The following DHX29 variants were observed in gnomAD, a reference collection of about 807,000 sequenced individuals.
The protein encoded by DHX29 is DExH-box helicase 29.
Under a neutral mutation model 167.9 loss-of-function variants are expected in DHX29, and 79 were observed. The ratio of observed to expected loss-of-function variants is 0.47; its 90% CI spans 0.39 to 0.57. The LOEUF (loss-of-function observed/expected upper bound fraction) is 0.57. Among genes scored for constraint, DHX29 ranks in the 20% least tolerant of loss-of-function variants. DHX29 has a pLI of 0.00. For missense variants in DHX29, 1,347 were observed against 1,593.4 expected (o/e 0.85, Z 2.63); for synonymous variants, 530 against 546.0 (o/e 0.97, Z 0.41).
intron 1 of DHX29, among the ~76,000 whole-genome samples, chr5:55,300,781 C>T (rs1222237674): frequency 6.6e-6 from 1 of 152,152 alleles, no homozygotes; most frequent in African/African-American, 2.4e-5. Context: ...AAAATAATAT[C>T]CGTTTTTGCA....
In DHX29 at chr5:55,256,552, GAAA is replaced by G; in HGVS notation, c.4058-15_4058-13del. The G allele has an allele frequency of 2.1e-6, 3 of 1,423,586 alleles. No homozygotes were observed. Among genetic ancestry groups the G allele is most frequent in the East Asian group, 2.6e-5 (1 of 38,146 alleles). 88.2% of individuals were successfully genotyped at this position (1,423,586 alleles called of 1,614,324 possible). A position where few individuals can be genotyped will look rare whatever the true frequency, so the allele number is the denominator to read the frequency against. ...CAGAATCTTGTCATCTGAGTGGAAG[GAAA>G]AAAAAAAGCCACGAATAAATGCAAC... On this transcript the variant is annotated splice_polypyrimidine_tract_variant and intron_variant, in intron 26 of 26. Coordinates refer to ENST00000251636, the MANE Select transcript of DHX29 (RefSeq NM_019030.4).
intron 12 of DHX29, among the ~76,000 whole-genome samples, chr5:55,280,845 T>C (rs1747364241): frequency 6.6e-6 from 1 of 152,108 alleles, no homozygotes; most frequent in Middle Eastern, 3.2e-3. Context: ...AACTTGAACA[T>C]TATGAAATGC....
chr5:55,259,168 G>C (rs544680708), intron 26 of DHX29, among the ~76,000 whole-genome samples: 1 of 152,156 alleles, frequency 6.6e-6, no homozygotes, highest in Admixed American at 6.5e-5. Context: ...TTAAATAATA[G>C]CTATGTTACC....
intron 1 of DHX29, among the ~76,000 whole-genome samples, chr5:55,306,443 C>G (rs1394830217): frequency 6.6e-6 from 1 of 152,146 alleles, no homozygotes; most frequent in African/African-American, 2.4e-5. Flanking sequence ...ACCTGCTCAT[C>G]CCGAGAAAAA....
intron 1 of DHX29, among the ~76,000 whole-genome samples, chr5:55,298,945 G>C: frequency 6.7e-6 from 1 of 150,014 alleles, no homozygotes; most frequent in Non-Finnish European, 1.5e-5. Flanking sequence ...CAGGAGAATG[G>C]CGTGAACCCG....
chr5:55,288,317 G>A (rs1158467203), intron 8 of DHX29, among the ~76,000 whole-genome samples: 4 of 151,696 alleles, frequency 2.6e-5, no homozygotes, highest in African/African-American at 9.7e-5. Flanking sequence ...AATATTATCT[G>A]ACAAATACTA....
At position 55,269,487 on chromosome 5, in the gene DHX29, C is replaced by A. The variant is rs973304919; in HGVS notation, c.3220G>T (p.Ala1074Ser). The A allele has an allele frequency of 1.9e-6, 3 of 1,613,918 alleles. No individual in the cohort carries two copies. In the African/African-American group the frequency reaches 4.0e-5, roughly 22 times the overall value. Residue 1074 changes from alanine (A) to serine (S), a missense_variant, in exon 21 of 27, where the codon GCA (alanine) becomes TCA (serine). Transcript: ENST00000251636. The stretch of plus-strand genomic sequence containing the variant: ...ATCTTGACATTCACAGGTAAAGCTG[C>A]AAGGTGTTGGCCCAACGGAGTCAGT... ...PKLTPLGQHLAALPVNVKIGK... is the reference protein window; with the variant it reads ...PKLTPLGQHLSALPVNVKIGK...
intron 21 of DHX29, 68 bp from the exon 22 acceptor site, chr5:55,267,890 A>G: frequency 2.5e-6 from 3 of 1,212,970 alleles, no homozygotes; most frequent in Non-Finnish European, 3.3e-6. Flanking sequence ...GTTAACTTAT[A>G]AAAGAAAGCA....
chr5:55,295,173 G>A (rs955903386), intron 5 of DHX29: 9 of 508,798 alleles, frequency 1.8e-5, no homozygotes, highest in African/African-American at 1.3e-4. Context: ...GCAGAATCAT[G>A]AGAAATAATA....
At chr5:55,289,976 C>T (rs1039482024) in intron 7 of DHX29, among the ~76,000 whole-genome samples, 1 of 152,164 alleles carries the variant, frequency 6.6e-6, no homozygotes, top group Non-Finnish European at 1.5e-5. Flanking sequence ...CATAGCCATT[C>T]ATTTTTGTAT....
chr5:55,307,320 G>C (rs1376680958), intron 1 of DHX29, 67 bp downstream of exon 1: 1 of 1,396,852 alleles, frequency 7.2e-7, no homozygotes. Context: ...GGGTTCTAAG[G>C]CCCTTTCCTC....
At chr5:55,282,123 A>T (rs1178538635) in intron 11 of DHX29, among the ~76,000 whole-genome samples, 2 of 152,168 alleles carry the variant, frequency 1.3e-5, no homozygotes, top group Non-Finnish European at 2.9e-5. Context: ...TGAGAAAAAA[A>T]CTGTTCACTT....
intron 23 of DHX29, among the ~76,000 whole-genome samples, chr5:55,263,266 G>A (rs1396868245): frequency 6.6e-6 from 1 of 152,066 alleles, no homozygotes; most frequent in East Asian, 1.9e-4. Context: ...TTTACTCAAT[G>A]AGGATGGTCA....
rs201716588 is a variant in DHX29, at chr5:55,285,754, G to T, written c.1174C>A (p.Pro392Thr). The change falls in exon 9 of 27, where the codon CCC (proline) becomes ACC (threonine). Residue 392 changes from proline to threonine, a missense_variant. Pro to Thr is a conservative substitution (Grantham distance 38). Transcript: ENST00000251636. ...FLIDWVRKNL[P>T]KSPNPSFEKV... ...TCAAAGGAAGGATTTGGACTCTTGG[G>T]AAGATTCTTCCTGACCCAATCAATC... 24 of 1,604,206 alleles carry T rather than the reference G, an allele frequency of 1.5e-5. No homozygotes were observed. Among genetic ancestry groups the T allele is most frequent in the Non-Finnish European group, 2.0e-5 (24 of 1,173,236 alleles).
intron 21 of DHX29, among the ~76,000 whole-genome samples, 170 bp downstream of exon 21, chr5:55,269,243 C>CA (rs34353606): frequency 0.036 from 2,642 of 72,490 alleles, 46 homozygotes; most frequent in African/African-American, 0.061. Flanking sequence ...GACCCTGTCT[C>CA]AAAAAAAAAA....
At chr5:55,270,519 A>G (rs1035908293) in intron 19 of DHX29, 32 bp from the exon 20 acceptor site, 2 of 1,613,234 alleles carry the variant, frequency 1.2e-6, no homozygotes, top group African/African-American at 1.3e-5. Flanking sequence ...AATACATATT[A>G]TCAGAAATGT....
In DHX29 at chr5:55,289,364, A is replaced by G. The variant is rs1231032901; in HGVS notation, c.972T>C (p.Asn324=). Residue 324 remains asparagine, a synonymous_variant, in exon 8 of 27, where the codon AAT becomes AAC. Coordinates refer to ENST00000251636, the MANE Select transcript of DHX29 (RefSeq NM_019030.4). The part of the protein sequence containing the change: ...NPAMKISHQQ[N]ERKKPPVATE... Reference sequence around the variant, plus strand: ...TGGCTACAGGAGGCTTTTTCCTTTCATTTTGTTGATGTGAAATCTTCATGG... The same window carrying G: ...TGGCTACAGGAGGCTTTTTCCTTTCGTTTTGTTGATGTGAAATCTTCATGG... 3 of 1,600,108 alleles carry G rather than the reference A, an allele frequency of 1.9e-6. No homozygotes were observed. Among genetic ancestry groups the G allele is most frequent in the South Asian group, 1.1e-5 (1 of 87,776 alleles).
intron 1 of DHX29, among the ~76,000 whole-genome samples, chr5:55,299,829 C>T (rs543435198): frequency 1.3e-5 from 2 of 152,228 alleles, no homozygotes; most frequent in South Asian, 4.1e-4. Context: ...TTTGGGGGGA[C>T]ACTACTCACT....
rs560666860 is a variant in DHX29 at position 55,292,451 on chromosome 5, G to A, written c.780+1566C>T. On this transcript the variant is annotated intron_variant, in intron 6 of 26. Transcript: ENST00000251636. Reference sequence around the variant, plus strand: ...TTTATTATCTCACACCTGAGCAAGTGCAATAGCTACCATAATGGCCTCCCT... The same window carrying A: ...TTTATTATCTCACACCTGAGCAAGTACAATAGCTACCATAATGGCCTCCCT... 2.0e-5 allele frequency among the ~76,000 whole-genome samples: 3 copies of A among 152,162 alleles called. No individual in the cohort carries two copies. In the East Asian group the frequency reaches 5.8e-4, roughly 29 times the overall value.
Sources: gnomAD v4.1 joint callset for allele counts (sites outside exome capture counted in the v4.1 genomes callset) on GRCh38, gnomAD v4.1.1 for gene constraint, MANE v1.5 for transcripts, NCBI Gene and HGNC (gene_info 2026-07-23, HGNC 2026-07-21) for gene names.